POLA1: variants seen among roughly 807,000 people sequenced by gnomAD.
POLA1 encodes the protein DNA polymerase alpha catalytic subunit.
POLA1 carries 15 observed loss-of-function variants against 124.0 expected under a neutral mutation model. That is an observed-to-expected ratio of 0.12 (90% confidence interval 0.08 to 0.19). The LOEUF is 0.19. Ranked by LOEUF, POLA1 falls within the 10% of genes least tolerant of loss-of-function variation. The probability of loss-of-function intolerance (pLI) is 1.00; values close to 1 mark genes in which losing one functional copy is unlikely to be tolerated. For missense variants in POLA1, 886 were observed against 1,103.4 expected (o/e 0.80, Z 2.79); for synonymous variants, 408 against 389.4 (o/e 1.05, Z -0.56).
At chrX:24,953,364 G>A (rs1054176503) in intron 36 of POLA1, among the ~76,000 whole-genome samples, 3 of 112,225 alleles carry the variant, frequency 2.7e-5, no homozygotes, top group African/African-American at 6.5e-5. Flanking sequence ...TGTTCTCATG[G>A]CACATTCTAC....
chrX:24,955,344 C>A (rs1241435677), intron 36 of POLA1, among the ~76,000 whole-genome samples: 8 of 106,578 alleles, frequency 7.5e-5, no homozygotes, highest in Admixed American at 6.1e-4. Context: ...CCAGCTAATT[C>A]TTTTAAATTA....
chrX:24,989,429 ATT>A (rs1189054645), intron 36 of POLA1, among the ~76,000 whole-genome samples: 1 of 102,201 alleles, frequency 9.8e-6, no homozygotes. Flanking sequence ...AGATTTTTAG[ATT>A]TTTTTTTTTT....
At chrX:24,767,551 T>C (rs983296254) in intron 26 of POLA1, among the ~76,000 whole-genome samples, 13 of 112,533 alleles carry the variant, frequency 1.2e-4, no homozygotes, top group Non-Finnish European at 1.7e-4. Context: ...AGTAAACATA[T>C]AAGCACAGTC....
intron 22 of POLA1, 142 bp from the exon 23 acceptor site, chrX:24,743,088 A>G (rs915178564): frequency 5.6e-6 from 2 of 355,708 alleles, no homozygotes; most frequent in Non-Finnish European, 4.9e-6. Context: ...TATTACAATA[A>G]CTGTCTTTCC....
At position 24,786,713 on chromosome X, in the gene POLA1, C is replaced by T. The variant is rs186731222; in HGVS notation, c.2965-23185C>T. On this transcript the variant is annotated intron_variant, in intron 26 of 36. Transcript: ENST00000379068. ...TTTTTTTTTTTTTTTTTTTTTGAGA[C>T]GGCCTCACCTCTGGCCCAGGCTGGA... Among the ~76,000 whole-genome samples, 74 of 75,147 alleles carry T rather than the reference C, an allele frequency of 9.8e-4. No individual in the cohort carries two copies. In the South Asian group the frequency reaches 0.011, roughly 11 times the overall value. The allele number at this position is 75,147 out of a possible 115,157, so 65.3% of individuals were successfully genotyped here. A position where few individuals can be genotyped will look rare whatever the true frequency, so the allele number is the denominator to read the frequency against.
intron 26 of POLA1, among the ~76,000 whole-genome samples, chrX:24,790,018 T>G (rs768275610): frequency 8.9e-6 from 1 of 112,394 alleles, no homozygotes; most frequent in Non-Finnish European, 1.9e-5. Context: ...AGCAACATAA[T>G]TCAGGATGAA....
chrX:24,827,587 C>G (rs1347406768), intron 32 of POLA1, among the ~76,000 whole-genome samples: 2 of 112,395 alleles, frequency 1.8e-5, no homozygotes, highest in Non-Finnish European at 3.8e-5. Context: ...GGAAGATTCT[C>G]CCCCTCTTTT....
At chrX:24,844,418 T>C (rs950191608) in intron 34 of POLA1, among the ~76,000 whole-genome samples, 15 of 110,385 alleles carry the variant, frequency 1.4e-4, no homozygotes, top group Admixed American at 1.1e-3. Context: ...AAACAAATTT[T>C]CTGTTACTTG....
At chrX:24,746,073 G>A (rs1285478482) in intron 24 of POLA1, among the ~76,000 whole-genome samples, 2 of 111,177 alleles carry the variant, frequency 1.8e-5, no homozygotes, top group African/African-American at 3.3e-5. Context: ...ATACATGGCA[G>A]AAGATGTCTG....
intron 36 of POLA1, among the ~76,000 whole-genome samples, chrX:24,974,473 TAAAA>T (rs1442930090): frequency 9.0e-6 from 1 of 111,028 alleles, no homozygotes; most frequent in African/African-American, 3.3e-5. Context: ...CATGCAGCCA[TAAAA>T]AAAGAATGAG....
rs1321674024 is a variant in POLA1 at position 24,717,436 on chromosome X, C to G, written c.853C>G (p.Pro285Ala). ...AAKAWDKESE[P>A]AEEVKQEADS... ...CAAGGCTTGGGACAAAGAGAGTGAGCCAGCAGAGGAAGTGAAACAAGAGGC... is the reference window on the plus strand; with the variant it reads ...CAAGGCTTGGGACAAAGAGAGTGAGGCAGCAGAGGAAGTGAAACAAGAGGC... Residue 285 changes from proline (P) to alanine (A), a missense_variant, in exon 9 of 37, where the codon CCA becomes GCA. Physicochemically the swap from Pro to Ala is conservative, Grantham distance 27. Coordinates refer to ENST00000379068, the MANE Select transcript of POLA1 (RefSeq NM_001330360.2). 4 of 1,209,510 alleles carry G rather than the reference C, an allele frequency of 3.3e-6. No homozygotes were observed. Among genetic ancestry groups the G allele is most frequent in the Non-Finnish European group, 4.5e-6 (4 of 894,873 alleles).
intron 36 of POLA1, among the ~76,000 whole-genome samples, chrX:24,960,684 T>TAA (rs1281170343): frequency 8.9e-6 from 1 of 111,775 alleles, no homozygotes; most frequent in East Asian, 2.8e-4. Context: ...AAATACTAAA[T>TAA]AAACTTAAAA....
chrX:24,844,640 A>G (rs1223819967), intron 34 of POLA1, among the ~76,000 whole-genome samples: 2 of 112,170 alleles, frequency 1.8e-5, no homozygotes, highest in Non-Finnish European at 3.8e-5. Context: ...AAGAGTAAAA[A>G]CATAGAGTTC....
chrX:24,761,623 A>C, intron 26 of POLA1, among the ~76,000 whole-genome samples: 1 of 112,185 alleles, frequency 8.9e-6, no homozygotes, highest in Non-Finnish European at 1.9e-5. Flanking sequence ...GCATGGCACG[A>C]TGTGATGGAT....
At position 24,903,925 on chromosome X, in the gene POLA1, TTTTC is replaced by T. The variant is rs1169850251; in HGVS notation, c.4164+15819_4164+15822del. Among the ~76,000 whole-genome samples, 7 of 108,191 alleles carry T rather than the reference TTTTC, an allele frequency of 6.5e-5. No individual in the cohort carries two copies. In the East Asian group the frequency reaches 8.7e-4, roughly 13 times the overall value. 94.0% of individuals were successfully genotyped at this position (108,191 alleles called of 115,157 possible). On this transcript the variant is annotated intron_variant, in intron 35 of 36. Transcript: ENST00000379068. ...ACCAGATTTCTTTTTTTTTTTTCTT[TTTTC>T]TTTCTTTCTTTCTTTTTTTTTTTTA...
intron 32 of POLA1, among the ~76,000 whole-genome samples, chrX:24,827,635 C>T (rs1212077054): frequency 1.8e-5 from 2 of 112,325 alleles, no homozygotes; most frequent in Non-Finnish European, 3.8e-5. Context: ...GCTTTGACAG[C>T]ATAGGGACCC....
chrX:24,713,129 T>C (rs1402088298), intron 4 of POLA1, among the ~76,000 whole-genome samples: 1 of 109,831 alleles, frequency 9.1e-6, no homozygotes, highest in Admixed American at 9.7e-5. Flanking sequence ...CATGCCTGGC[T>C]AATTTTTGTA....
intron 36 of POLA1, among the ~76,000 whole-genome samples, chrX:24,977,764 C>T (rs1401105063): frequency 8.9e-6 from 1 of 111,994 alleles, no homozygotes; most frequent in East Asian, 2.8e-4. Flanking sequence ...GTCAGATTCC[C>T]CAGAATAGAT....
At chrX:24,708,390 T>TA (rs1197026865) in intron 4 of POLA1, among the ~76,000 whole-genome samples, 1 of 97,388 alleles carries the variant, frequency 1.0e-5, no homozygotes, top group Non-Finnish European at 2.1e-5. Context: ...TTTTTTTTTT[T>TA]TAATTTATTT....
Sources: allele counts gnomAD v4.1 joint callset (sites outside exome capture counted in the v4.1 genomes callset), GRCh38; gene constraint gnomAD v4.1.1; transcripts MANE v1.5; gene names NCBI Gene and HGNC (gene_info 2026-07-23, HGNC 2026-07-21).